The following SLC5A4 variants were observed in gnomAD, a reference collection of about 807,000 sequenced individuals.
SLC5A4 encodes the protein probable glucose sensor protein SLC5A4.
In SLC5A4, 55 loss-of-function variants were observed where a neutral mutation model predicts 70.3. That is an observed-to-expected ratio of 0.78 (90% CI 0.63 to 0.98). The LOEUF (loss-of-function observed/expected upper bound fraction) is 0.98, where lower values mean the gene tolerates loss of function less well. SLC5A4 is among the 50% of genes least tolerant of loss of function. SLC5A4 has a pLI of 0.00. For synonymous variants in SLC5A4, 268 were observed against 305.7 expected, an observed-to-expected ratio of 0.88 and a Z score of 1.29; for missense variants, 735 against 839.2, an observed-to-expected ratio of 0.88 and a Z score of 1.53.
Position 32,239,057 on chromosome 22 carries a change from G to C in SLC5A4, c.511C>G (p.Leu171Val), listed in dbSNP as rs151263597. The stretch of plus-strand genomic sequence containing the variant: ...AGGTAAAGGTCCAATCCCAAGGCCA[G>C]CTTGATGAATATGGCTCCAGCAAAT... ...DIFAGAIFIK[L>V]ALGLDLYLAI... The change falls in exon 6 of 15, where the codon CTG (leucine) becomes GTG (valine). Residue 171 changes from leucine (L) to valine (V), a missense_variant. Transcript: ENST00000266086. 16 of 1,613,842 alleles carry C rather than the reference G, an allele frequency of 9.9e-6. No homozygotes were observed. The highest frequency in any genetic ancestry group is 1.3e-5 in the African/African-American group (1 of 74,926).
chr22:32,304,521 T>C, the SLC5A4 span, among the ~76,000 whole-genome samples: 1 of 151,704 alleles, frequency 6.6e-6, no homozygotes, highest in East Asian at 1.9e-4. Flanking sequence ...TGAAGTGACC[T>C]TCCCGCCTCA....
intron 8 of SLC5A4, among the ~76,000 whole-genome samples, chr22:32,234,177 TA>T (rs1224418583): frequency 6.6e-6 from 1 of 152,198 alleles, no homozygotes; most frequent in East Asian, 1.9e-4. Context: ...TCAAAGGGTC[TA>T]GATAGGGTTA....
the SLC5A4 span, among the ~76,000 whole-genome samples, chr22:32,331,263 G>A: frequency 4.7e-4 from 72 of 151,976 alleles, no homozygotes; most frequent in Non-Finnish European, 6.6e-4. Flanking sequence ...CACATTGTAG[G>A]TGCTCTGGGA....
the SLC5A4 span, among the ~76,000 whole-genome samples, chr22:32,304,445 T>G: frequency 9.6e-5 from 4 of 41,454 alleles, no homozygotes; most frequent in Admixed American, 2.7e-4. Flanking sequence ...CCCAGCTTGT[T>G]TTTTCTTTTT....
the SLC5A4 span, among the ~76,000 whole-genome samples, chr22:32,289,049 A>G: frequency 6.6e-6 from 1 of 152,142 alleles, no homozygotes; most frequent in Non-Finnish European, 1.5e-5. Context: ...CTTACAGGAA[A>G]GGAAAGCTTT....
In SLC5A4 at chr22:32,247,384, T is replaced by TA. The variant is rs772153650; in HGVS notation, c.477+26dup. On this transcript the variant is annotated intron_variant, in intron 5 of 14. Transcript: ENST00000266086. ...CCCCATCTGACCAACCTCTTGAAGC[T>TA]AAAATGCCAGGAGGCTCTGAACTCA... The TA allele has an allele frequency of 5.5e-6, 8 of 1,458,668 alleles. 1 individual carries two copies. The South Asian group carries it at 8.0e-5, about 15-fold the overall frequency. 90.4% of individuals were successfully genotyped at this position (1,458,668 alleles called of 1,614,324 possible). A position where few individuals can be genotyped will look rare whatever the true frequency, so the allele number is the denominator to read the frequency against.
At chr22:32,270,333 T>C in the SLC5A4 span, 5 of 1,041,326 alleles carry the variant, frequency 4.8e-6, no homozygotes, top group African/African-American at 4.7e-5. Flanking sequence ...ACAGGAAGAA[T>C]GGGGCTCTGT....
the SLC5A4 span, among the ~76,000 whole-genome samples, chr22:32,334,868 G>T: frequency 6.6e-6 from 1 of 152,190 alleles, no homozygotes; most frequent in Non-Finnish European, 1.5e-5. Context: ...GTCCAGGCAG[G>T]GACACAGCAG....
At chr22:32,295,653 T>C in the SLC5A4 span, among the ~76,000 whole-genome samples, 1 of 92,734 alleles carries the variant, frequency 1.1e-5, no homozygotes, top group African/African-American at 4.0e-5. Context: ...AGAAGCTCTT[T>C]AGTTTAATTA....
chr22:32,290,292 CCT>C, the SLC5A4 span, among the ~76,000 whole-genome samples: 1 of 152,072 alleles, frequency 6.6e-6, no homozygotes, highest in Non-Finnish European at 1.5e-5. Flanking sequence ...TGTTCCCCTC[CCT>C]GTGTCCATGT....
the SLC5A4 span, among the ~76,000 whole-genome samples, chr22:32,334,084 AACACAC>A: frequency 1.3e-5 from 2 of 149,140 alleles, no homozygotes; most frequent in East Asian, 4.0e-4. Flanking sequence ...TATGCCAGAC[AACACAC>A]ACACACACAT....
chr22:32,341,642 C>T, the SLC5A4 span, among the ~76,000 whole-genome samples: 1 of 152,190 alleles, frequency 6.6e-6, no homozygotes, highest in Non-Finnish European at 1.5e-5. Context: ...CCTTCAAAAC[C>T]TACCAAATGC....
the SLC5A4 span, among the ~76,000 whole-genome samples, chr22:32,287,967 T>C: frequency 6.6e-6 from 1 of 151,828 alleles, no homozygotes; most frequent in Non-Finnish European, 1.5e-5. Flanking sequence ...GGTATAGACC[T>C]GATGGAGAGC....
the SLC5A4 span, chr22:32,271,290 C>T: frequency 6.8e-5 from 51 of 749,842 alleles, no homozygotes; most frequent in Middle Eastern, 3.2e-4. Context: ...CCACACAGGG[C>T]GAGGCCCGCA....
chr22:32,338,950 G>A, the SLC5A4 span, among the ~76,000 whole-genome samples: 4 of 152,106 alleles, frequency 2.6e-5, no homozygotes, highest in Admixed American at 2.0e-4. Context: ...AGCTGGGATT[G>A]GTGTTGTCAT....
At chr22:32,277,931 A>G in the SLC5A4 span, among the ~76,000 whole-genome samples, 2 of 152,344 alleles carry the variant, frequency 1.3e-5, no homozygotes, top group African/African-American at 4.8e-5. Context: ...TAGGCAACTC[A>G]TAAAAACTTC....
chr22:32,271,648 TC>T, the SLC5A4 span: 3 of 608,400 alleles, frequency 4.9e-6, no homozygotes, highest in Non-Finnish European at 6.1e-6. Context: ...GCCCCTCACC[TC>T]ACTGGCTCCT....
the SLC5A4 span, among the ~76,000 whole-genome samples, chr22:32,351,428 G>C: frequency 0.026 from 3,909 of 151,764 alleles, 179 homozygotes; most frequent in African/African-American, 0.09. Flanking sequence ...CACTGGGCCG[G>C]CGAGGTGGCT....
At chr22:32,271,246 C>T in the SLC5A4 span, 10 of 793,528 alleles carry the variant, frequency 1.3e-5, no homozygotes, top group East Asian at 2.9e-5. Context: ...TGTGGGGCAG[C>T]GGGTCCTCAT....
Sources: gnomAD v4.1 joint callset for allele counts (sites outside exome capture counted in the v4.1 genomes callset) on GRCh38, gnomAD v4.1.1 for gene constraint, MANE v1.5 for transcripts, NCBI Gene and HGNC (gene_info 2026-07-23, HGNC 2026-07-21) for gene names.